PID1: variants seen among roughly 807,000 people sequenced by gnomAD.
The protein encoded by PID1 is PTB-containing, cubilin and LRP1-interacting protein.
In PID1, 10 loss-of-function variants were observed where a neutral mutation model predicts 19.1. The observed-to-expected ratio is 0.52, with a 90% CI of 0.32 to 0.89. The LOEUF is 0.89. Ranked by LOEUF, PID1 falls within the 40% of genes least tolerant of loss-of-function variation. The pLI, the probability that PID1 is intolerant of heterozygous loss-of-function variation, is 0.03. For synonymous variants in PID1, 130 were observed against 116.0 expected (o/e 1.12, Z -0.78); for missense variants, 248 against 285.3 (o/e 0.87, Z 0.94).
At chr2:229,263,775 T>C (rs1690520790) in intron 1 of PID1, among the ~76,000 whole-genome samples, 1 of 152,214 alleles carries the variant, frequency 6.6e-6, no homozygotes, top group African/African-American at 2.4e-5. Context: ...GTCTGCTCCA[T>C]GACACAAGAG....
At chr2:229,042,180 A>C (rs1350242306) in intron 2 of PID1, among the ~76,000 whole-genome samples, 2 of 152,212 alleles carry the variant, frequency 1.3e-5, no homozygotes, top group Non-Finnish European at 2.9e-5. Flanking sequence ...GTAAGAGAAA[A>C]AGATAGAAAT....
In PID1 at chr2:229,105,187, A is replaced by G. The variant is rs536523625; in HGVS notation, c.177+50631T>C. Among the ~76,000 whole-genome samples, 7 of 152,328 alleles carry G rather than the reference A, an allele frequency of 4.6e-5. No individual in the cohort carries two copies. In the South Asian group the frequency reaches 6.2e-4, roughly 14 times the overall value. Reference sequence around the variant, plus strand: ...TCACATAATTTATCTCCATTTCAGAATAATAGGAAGGAATTTCCATGAGCC... The same window carrying G: ...TCACATAATTTATCTCCATTTCAGAGTAATAGGAAGGAATTTCCATGAGCC... On this transcript the variant is annotated intron_variant, in intron 2 of 2. Transcript: ENST00000392055.
intron 1 of PID1, among the ~76,000 whole-genome samples, chr2:229,212,361 T>C (rs1436704717): frequency 6.6e-6 from 1 of 152,194 alleles, no homozygotes; most frequent in Non-Finnish European, 1.5e-5. Flanking sequence ...TGCCACGTGC[T>C]GCACACTGTC....
intron 1 of PID1, among the ~76,000 whole-genome samples, chr2:229,188,245 T>C (rs899771636): frequency 6.6e-6 from 1 of 151,932 alleles, no homozygotes; most frequent in African/African-American, 2.4e-5. Flanking sequence ...CATTTCTTGG[T>C]GGTCAGCTAT....
chr2:229,089,682 C>T (rs1352751273), intron 2 of PID1, among the ~76,000 whole-genome samples: 3 of 152,128 alleles, frequency 2.0e-5, no homozygotes, highest in Admixed American at 2.0e-4. Flanking sequence ...CCACATGATA[C>T]ACTTAATACT....
intron 2 of PID1, among the ~76,000 whole-genome samples, chr2:229,099,362 T>C (rs545899358): frequency 2.0e-5 from 3 of 152,148 alleles, no homozygotes; most frequent in Non-Finnish European, 4.4e-5. Context: ...CCACTTTACA[T>C]AGGCAAATTT....
At chr2:229,048,745 CTTGT>C (rs1293973326) in intron 2 of PID1, among the ~76,000 whole-genome samples, 2 of 151,992 alleles carry the variant, frequency 1.3e-5, no homozygotes, top group Non-Finnish European at 2.9e-5. Flanking sequence ...TACTTTGTGC[CTTGT>C]TTTTCTAATT....
At chr2:229,194,455 T>C (rs759986325) in intron 1 of PID1, among the ~76,000 whole-genome samples, 12 of 151,970 alleles carry the variant, frequency 7.9e-5, no homozygotes, top group Non-Finnish European at 1.5e-4. Context: ...AAAAATCATT[T>C]TCAAATTCAA....
At chr2:229,218,427 G>A (rs10498234) in intron 1 of PID1, among the ~76,000 whole-genome samples, 2 of 151,622 alleles carry the variant, frequency 1.3e-5, no homozygotes, top group Non-Finnish European at 2.9e-5. Flanking sequence ...TGCACAAGTC[G>A]TAATCACAGA....
intron 1 of PID1, among the ~76,000 whole-genome samples, chr2:229,178,258 G>C (rs1414390668): frequency 6.6e-6 from 1 of 152,018 alleles, no homozygotes; most frequent in Non-Finnish European, 1.5e-5. Context: ...CTATCCTCAG[G>C]AGAGGGACCA....
intron 2 of PID1, among the ~76,000 whole-genome samples, chr2:229,029,530 C>T (rs760257384): frequency 2.0e-5 from 3 of 151,958 alleles, no homozygotes; most frequent in African/African-American, 4.8e-5. Context: ...TAGAAAACAG[C>T]GTGGCGGTTC....
At chr2:229,209,621 G>C (rs1000620037) in intron 1 of PID1, among the ~76,000 whole-genome samples, 1 of 152,088 alleles carries the variant, frequency 6.6e-6, no homozygotes, top group African/African-American at 2.4e-5. Flanking sequence ...ATTAAACATT[G>C]ATCATGTTTT....
chr2:229,123,286 T>G (rs1695559357), intron 2 of PID1, among the ~76,000 whole-genome samples: 1 of 152,226 alleles, frequency 6.6e-6, no homozygotes, highest in African/African-American at 2.4e-5. Context: ...TGTGGTCATT[T>G]GTGACTAGCT....
intron 1 of PID1, among the ~76,000 whole-genome samples, chr2:229,178,218 T>C (rs561841632): frequency 1.3e-5 from 2 of 152,306 alleles, no homozygotes; most frequent in South Asian, 2.1e-4. Context: ...CGAACATGAA[T>C]TTAAATTGCA....
chr2:229,114,775 T>G (rs1210735134), intron 2 of PID1, among the ~76,000 whole-genome samples: 1 of 152,206 alleles, frequency 6.6e-6, no homozygotes, highest in Non-Finnish European at 1.5e-5. Flanking sequence ...TATATACACT[T>G]GTCTTCTTCC....
At chr2:229,156,370 T>C (rs1690373698) in intron 1 of PID1, among the ~76,000 whole-genome samples, 3 of 152,158 alleles carry the variant, frequency 2.0e-5, no homozygotes, top group Non-Finnish European at 2.9e-5. Context: ...GGAGAACAGA[T>C]GAAAAAGTAC....
chr2:229,202,759 A>T (rs1691526068), intron 1 of PID1, among the ~76,000 whole-genome samples: 1 of 152,128 alleles, frequency 6.6e-6, no homozygotes, highest in South Asian at 2.1e-4. Flanking sequence ...TGTAAGCGGA[A>T]ATGGTTTACT....
chr2:229,078,979 T>A (rs1308164723), intron 2 of PID1, among the ~76,000 whole-genome samples: 2 of 152,240 alleles, frequency 1.3e-5, no homozygotes, highest in Non-Finnish European at 1.5e-5. Context: ...TTTATAACAT[T>A]GCTTAGGCAA....
intron 2 of PID1, among the ~76,000 whole-genome samples, chr2:229,111,663 C>T (rs1010643102): frequency 6.6e-6 from 1 of 151,994 alleles, no homozygotes; most frequent in African/African-American, 2.4e-5. Context: ...ATATTCAGTG[C>T]CCCTGAAACA....
Sources: allele counts gnomAD v4.1 joint callset (sites outside exome capture counted in the v4.1 genomes callset), GRCh38; gene constraint gnomAD v4.1.1; transcripts MANE v1.5; gene names NCBI Gene and HGNC (gene_info 2026-07-23, HGNC 2026-07-21).